KCNQ3: variants seen among roughly 807,000 people sequenced by gnomAD.
KCNQ3 encodes the protein potassium voltage-gated channel subfamily KQT member 3.
KCNQ3 carries 30 observed loss-of-function variants against 92.5 expected under a neutral mutation model. The observed-to-expected ratio is 0.32, with a 90% CI of 0.24 to 0.44. KCNQ3 has a LOEUF of 0.44. Among genes scored for constraint, KCNQ3 ranks in the 20% least tolerant of loss-of-function variants. The pLI, the probability that KCNQ3 is intolerant of heterozygous loss-of-function variation, is 1.00. For synonymous variants in KCNQ3, 450 were observed against 468.8 expected (o/e 0.96, Z 0.52); for missense variants, 913 against 1,140.3 (o/e 0.80, Z 2.87).
chr8:132,439,528 G>T (rs531347491), intron 1 of KCNQ3, among the ~76,000 whole-genome samples: 1 of 152,166 alleles, frequency 6.6e-6, no homozygotes, highest in Non-Finnish European at 1.5e-5. Flanking sequence ...AGTCAAGGTT[G>T]CTGAAGGAAC....
intron 1 of KCNQ3, among the ~76,000 whole-genome samples, chr8:132,428,088 C>T (rs1821155600): frequency 6.6e-6 from 1 of 152,048 alleles, no homozygotes; most frequent in African/African-American, 2.4e-5. Flanking sequence ...CAGGCCTTGT[C>T]CCTCTGCAAC....
At chr8:132,453,199 G>A (rs958957842) in intron 1 of KCNQ3, among the ~76,000 whole-genome samples, 2 of 152,194 alleles carry the variant, frequency 1.3e-5, no homozygotes, top group African/African-American at 4.8e-5. Flanking sequence ...CCCAAGGGAA[G>A]AGAGGTGGGC....
rs57963368 is a variant in KCNQ3 at position 132,316,902 on chromosome 8, T to C, written c.387-130721A>G. On this transcript the variant is annotated intron_variant, in intron 1 of 14. Transcript: ENST00000388996. ...GTTAGGAAATTTTGGCTTTTTCTCA[T>C]GTCGTTGGTGGTATTTTAATGAGAA... Among the ~76,000 whole-genome samples, 585 of 152,336 alleles carry C rather than the reference T, an allele frequency of 3.8e-3. 2 individuals carry two copies. Among genetic ancestry groups the C allele is most frequent in the African/African-American group, 0.013 (554 of 41,574 alleles).
At position 132,121,498 on chromosome 8, in the gene KCNQ3, C is replaced by A. The variant is rs561557832; in HGVS notation, c.*7764G>T. On this transcript the variant is annotated 3_prime_UTR_variant, in exon 15 of 15. Coordinates refer to ENST00000388996, the MANE Select transcript of KCNQ3 (RefSeq NM_004519.4). ...ACTTGGCCACCACCTGGACTCTTAA[C>A]CCTCAGGGGAACTATGGGGGTGGGA... The A allele has an allele frequency of 2.6e-5, 4 of 152,198 alleles. No individual in the cohort carries two copies. The highest frequency in any genetic ancestry group is 9.7e-5 in the African/African-American group (4 of 41,426). 9.4% of individuals were successfully genotyped at this position (152,198 alleles called of 1,614,324 possible). A position where few individuals can be genotyped will look rare whatever the true frequency, so the allele number is the denominator to read the frequency against.
intron 1 of KCNQ3, among the ~76,000 whole-genome samples, chr8:132,470,770 A>C (rs1822281439): frequency 6.6e-6 from 1 of 152,184 alleles, no homozygotes; most frequent in Admixed American, 6.5e-5. Context: ...ATGTCTCTTT[A>C]GCCTCCATTA....
intron 1 of KCNQ3, among the ~76,000 whole-genome samples, chr8:132,354,056 G>C (rs770335947): frequency 2.6e-5 from 4 of 152,204 alleles, no homozygotes; most frequent in Non-Finnish European, 4.4e-5. Flanking sequence ...TCAGCACTTT[G>C]ACCAAACAGG....
chr8:132,316,955 G>A (rs1264405545), intron 1 of KCNQ3, among the ~76,000 whole-genome samples: 2 of 151,532 alleles, frequency 1.3e-5, no homozygotes, highest in Non-Finnish European at 3.0e-5. Flanking sequence ...AGGGGCTGCT[G>A]GAAAGAAACT....
At chr8:132,454,472 A>G (rs539240739) in intron 1 of KCNQ3, among the ~76,000 whole-genome samples, 1 of 152,288 alleles carries the variant, frequency 6.6e-6, no homozygotes, top group African/African-American at 2.4e-5. Context: ...ATTCTCCTAC[A>G]TTCTTTTTTA....
Position 132,141,165 on chromosome 8 carries a change from G to A in KCNQ3, c.1429C>T (p.Arg477Cys), listed in dbSNP as rs374854556. The A allele has an allele frequency of 4.3e-6, 7 of 1,614,064 alleles. No homozygotes were observed. Among genetic ancestry groups the A allele is most frequent in the African/African-American group, 4.0e-5 (3 of 74,932 alleles). Residue 477 changes from arginine (R) to cysteine (C), a missense_variant, in exon 10 of 15, where the codon CGC becomes TGC. Arg to Cys is a radical substitution (Grantham distance 180). Coordinates refer to ENST00000388996, the MANE Select transcript of KCNQ3 (RefSeq NM_004519.4). Reference protein sequence around the residue: ...NNKERFRTAFRMKAYAFWQSS... With the variant: ...NNKERFRTAFCMKAYAFWQSS... ...TGCCAGAAAGCGTAGGCTTTCATGC[G>A]GAAGGCCGTGCGGAAACGCTCTTTA...
At chr8:132,154,827 T>G (rs1370894077) in intron 9 of KCNQ3, among the ~76,000 whole-genome samples, 1 of 152,210 alleles carries the variant, frequency 6.6e-6, no homozygotes, top group Admixed American at 6.5e-5. Context: ...AGTGCCTGCA[T>G]GCCTAATCTT....
intron 1 of KCNQ3, among the ~76,000 whole-genome samples, chr8:132,408,203 G>A (rs566150650): frequency 9.9e-5 from 15 of 152,082 alleles, no homozygotes; most frequent in Admixed American, 4.6e-4. Flanking sequence ...ACATGGAATC[G>A]TTTTCCCAAA....
chr8:132,365,409 C>T (rs1319932402), intron 1 of KCNQ3, among the ~76,000 whole-genome samples: 2 of 152,176 alleles, frequency 1.3e-5, no homozygotes, highest in African/African-American at 4.8e-5. Context: ...AGACAATGAG[C>T]GTGGGTGCCT....
intron 1 of KCNQ3, among the ~76,000 whole-genome samples, chr8:132,461,434 G>T (rs934725831): frequency 1.3e-5 from 2 of 152,072 alleles, no homozygotes; most frequent in African/African-American, 4.8e-5. Context: ...GCGTGGTGGT[G>T]GGCACCTGTA....
chr8:132,405,381 C>G (rs1323581573), intron 1 of KCNQ3, among the ~76,000 whole-genome samples: 3 of 152,240 alleles, frequency 2.0e-5, no homozygotes, highest in Admixed American at 1.3e-4. Flanking sequence ...CTCACCTTTC[C>G]TCCAGCACCC....
chr8:132,418,508 G>A (rs1033953569), intron 1 of KCNQ3, among the ~76,000 whole-genome samples: 39 of 152,178 alleles, frequency 2.6e-4, no homozygotes, highest in African/African-American at 8.7e-4. Flanking sequence ...GTAGATGGCC[G>A]GGCACAGTGG....
At chr8:132,458,104 C>T (rs991233124) in intron 1 of KCNQ3, among the ~76,000 whole-genome samples, 1 of 152,202 alleles carries the variant, frequency 6.6e-6, no homozygotes, top group Admixed American at 6.5e-5. Context: ...ACTCCTGGTC[C>T]AGGACTTGCC....
chr8:132,451,880 C>T (rs1821827749), intron 1 of KCNQ3, among the ~76,000 whole-genome samples: 1 of 152,102 alleles, frequency 6.6e-6, no homozygotes, highest in Non-Finnish European at 1.5e-5. Flanking sequence ...GTTCGGTCAG[C>T]CTGTAGTTTC....
chr8:132,234,127 T>C (rs1162559014), intron 1 of KCNQ3, among the ~76,000 whole-genome samples: 1 of 152,186 alleles, frequency 6.6e-6, no homozygotes, highest in Non-Finnish European at 1.5e-5. Flanking sequence ...CAATCGAGCC[T>C]ACATAGCTCA....
intron 1 of KCNQ3, among the ~76,000 whole-genome samples, chr8:132,352,415 A>T (rs1818901378): frequency 6.6e-6 from 1 of 152,084 alleles, no homozygotes; most frequent in South Asian, 2.1e-4. Flanking sequence ...CTCCTACAAC[A>T]AAGACTCACC....
Sources: allele counts gnomAD v4.1 joint callset (sites outside exome capture counted in the v4.1 genomes callset), GRCh38; gene constraint gnomAD v4.1.1; transcripts MANE v1.5; gene names NCBI Gene and HGNC (gene_info 2026-07-23, HGNC 2026-07-21).